The following HHAT variants were observed in gnomAD, a reference collection of about 807,000 sequenced individuals.
HHAT encodes hedgehog acyltransferase, also known as protein-cysteine N-palmitoyltransferase HHAT.
HHAT carries 47 observed loss-of-function variants against 70.8 expected under a neutral mutation model. The ratio of observed to expected loss-of-function variants is 0.66; its 90% CI spans 0.53 to 0.85. The LOEUF (loss-of-function observed/expected upper bound fraction) is 0.85. Ranked by LOEUF, HHAT falls within the 40% of genes least tolerant of loss-of-function variation. The pLI is 0.00. For synonymous variants in HHAT, 228 were observed against 247.6 expected (o/e 0.92, Z 0.74); for missense variants, 609 against 604.8 (o/e 1.01, Z -0.07).
At chr1:210,541,456 G>A (rs561899381) in intron 9 of HHAT, among the ~76,000 whole-genome samples, 25 of 152,236 alleles carry the variant, frequency 1.6e-4, no homozygotes, top group African/African-American at 4.6e-4. Flanking sequence ...AGCCAGCTGC[G>A]GTGGCTCACG....
intron 1 of HHAT, among the ~76,000 whole-genome samples, chr1:210,336,273 A>G (rs906083861): frequency 9.6e-6 from 1 of 104,698 alleles, no homozygotes; most frequent in Non-Finnish European, 2.2e-5. Flanking sequence ...GGCATGCACC[A>G]CTGTGCCTGG....
chr1:210,562,316 C>CA (rs2095630491), intron 9 of HHAT, among the ~76,000 whole-genome samples: 2 of 147,974 alleles, frequency 1.4e-5, no homozygotes, highest in African/African-American at 5.0e-5. Context: ...TCCACTTAAA[C>CA]AACACATTAA....
chr1:210,547,155 C>A (rs941879128), intron 9 of HHAT, among the ~76,000 whole-genome samples: 1 of 152,084 alleles, frequency 6.6e-6, no homozygotes, highest in Non-Finnish European at 1.5e-5. Flanking sequence ...CATGGTGGAA[C>A]CCCGTTGCTA....
At chr1:210,370,610 A>ATTTTTTTTTTTT (rs10664778) in intron 3 of HHAT, among the ~76,000 whole-genome samples, 1 of 98,356 alleles carries the variant, frequency 1.0e-5, no homozygotes, top group Non-Finnish European at 1.9e-5. Flanking sequence ...TGCAGATGCT[A>ATTTTTTTTTTTT]TTTTTTTTTT....
At chr1:210,363,886 CTGCTTGCAAATGAACTT>C (rs2088623753) in intron 3 of HHAT, among the ~76,000 whole-genome samples, 1 of 152,174 alleles carries the variant, frequency 6.6e-6, no homozygotes, top group Non-Finnish European at 1.5e-5. Context: ...TCTGAACACT[CTGCTTGCAAATGAACTT>C]TTGCAAGACA....
intron 3 of HHAT, among the ~76,000 whole-genome samples, chr1:210,369,311 T>C (rs1390517788): frequency 1.3e-5 from 2 of 152,150 alleles, no homozygotes; most frequent in East Asian, 3.9e-4. Flanking sequence ...AGCTGTTCTT[T>C]CAGAAGTAAA....
At chr1:210,501,579 C>T (rs142934754) in intron 8 of HHAT, among the ~76,000 whole-genome samples, 2 of 152,332 alleles carry the variant, frequency 1.3e-5, no homozygotes, top group Admixed American at 6.5e-5. Flanking sequence ...TCCCTCACTG[C>T]AGAAGCAGCT....
intron 9 of HHAT, among the ~76,000 whole-genome samples, chr1:210,572,871 G>A (rs1478140414): frequency 1.3e-5 from 2 of 152,132 alleles, no homozygotes; most frequent in African/African-American, 4.8e-5. Context: ...ATTCCAGCTT[G>A]GGCAACAGAG....
At chr1:210,630,885 G>C (rs1266165309) in intron 11 of HHAT, 1 of 369,292 alleles carries the variant, frequency 2.7e-6, no homozygotes, top group East Asian at 7.3e-5. Context: ...GAGGCGGGGG[G>C]CCAGCTCAGA....
At chr1:210,666,995 G>A (rs917617782) in intron 11 of HHAT, among the ~76,000 whole-genome samples, 6 of 151,784 alleles carry the variant, frequency 4.0e-5, no homozygotes, top group Non-Finnish European at 7.4e-5. Context: ...CAGGAGAACG[G>A]CGTGAACCCG....
intron 3 of HHAT, among the ~76,000 whole-genome samples, chr1:210,367,120 A>G (rs1386263202): frequency 6.6e-6 from 1 of 152,232 alleles, no homozygotes; most frequent in Non-Finnish European, 1.5e-5. Context: ...GCTAAATGAC[A>G]TGAAGGCAGT....
intron 8 of HHAT, among the ~76,000 whole-genome samples, chr1:210,509,299 T>C (rs943460322): frequency 6.6e-6 from 1 of 152,164 alleles, no homozygotes; most frequent in African/African-American, 2.4e-5. Flanking sequence ...TTTTTATGAG[T>C]GTCTCATTGG....
At chr1:210,525,587 C>T (rs1239573657) in intron 9 of HHAT, among the ~76,000 whole-genome samples, 1 of 152,030 alleles carries the variant, frequency 6.6e-6, no homozygotes. Flanking sequence ...ATTTGTCTTC[C>T]TAGCTGTGCT....
At chr1:210,592,934 G>T (rs915958589) in intron 10 of HHAT, among the ~76,000 whole-genome samples, 1 of 150,886 alleles carries the variant, frequency 6.6e-6, no homozygotes, top group Non-Finnish European at 1.5e-5. Flanking sequence ...CAAGGTGCAG[G>T]TTTGTTACAT....
chr1:210,467,235 G>C (rs965388316), intron 8 of HHAT, among the ~76,000 whole-genome samples: 2 of 152,216 alleles, frequency 1.3e-5, no homozygotes, highest in African/African-American at 4.8e-5. Context: ...TAGGTATGGA[G>C]ATGAACTTTT....
intron 3 of HHAT, among the ~76,000 whole-genome samples, chr1:210,368,276 C>G (rs2089208116): frequency 6.6e-6 from 1 of 152,068 alleles, no homozygotes; most frequent in South Asian, 2.1e-4. Flanking sequence ...TTTGGCTTTG[C>G]TACATCTGAG....
chr1:210,331,955 T>C (rs970680001), intron 1 of HHAT, among the ~76,000 whole-genome samples: 3 of 152,214 alleles, frequency 2.0e-5, no homozygotes, highest in Non-Finnish European at 2.9e-5. Flanking sequence ...GATCTATCTT[T>C]AGAAAGCCAT....
chr1:210,664,635 T>A (rs1678501686), intron 11 of HHAT, among the ~76,000 whole-genome samples: 1 of 152,144 alleles, frequency 6.6e-6, no homozygotes, highest in Non-Finnish European at 1.5e-5. Flanking sequence ...GTACATACAG[T>A]TAGGGGCTGA....
chr1:210,564,101 G>A (rs1361028742), intron 9 of HHAT, among the ~76,000 whole-genome samples: 5 of 148,718 alleles, frequency 3.4e-5, no homozygotes, highest in African/African-American at 7.4e-5. Flanking sequence ...TTACAGGAAC[G>A]TACCACCATG....
Sources: allele counts gnomAD v4.1 joint callset (sites outside exome capture counted in the v4.1 genomes callset), GRCh38; gene constraint gnomAD v4.1.1; transcripts MANE v1.5; gene names NCBI Gene and HGNC (gene_info 2026-07-23, HGNC 2026-07-21).